The following KIRREL1 variants were observed in gnomAD, a reference collection of about 807,000 sequenced individuals.
KIRREL1 encodes the protein kin of IRRE-like protein 1.
In KIRREL1, 25 loss-of-function variants were observed where a neutral mutation model predicts 83.3. That is an observed-to-expected ratio of 0.30 (90% CI 0.22 to 0.42). The LOEUF (loss-of-function observed/expected upper bound fraction) is 0.42. Ranked by LOEUF, KIRREL1 falls within the 10% of genes least tolerant of loss-of-function variation. KIRREL1 has a pLI of 1.00. For synonymous variants in KIRREL1, 388 were observed against 410.4 expected (o/e 0.95, Z 0.66); for missense variants, 812 against 1,032.3 (o/e 0.79, Z 2.92).
chr1:157,996,347 A>G (rs546422167), intron 1 of KIRREL1, among the ~76,000 whole-genome samples: 2 of 152,184 alleles, frequency 1.3e-5, no homozygotes, highest in South Asian at 4.2e-4. Flanking sequence ...ATTTTCTGGG[A>G]GATTTTCTCG....
intron 4 of KIRREL1, among the ~76,000 whole-genome samples, 160 bp from the exon 5 acceptor site, chr1:158,086,436 A>G (rs1001954890): frequency 1.3e-5 from 2 of 151,792 alleles, no homozygotes; most frequent in Non-Finnish European, 2.9e-5. Flanking sequence ...ACACACACAC[A>G]CACACACACA....
intron 1 of KIRREL1, among the ~76,000 whole-genome samples, chr1:158,011,630 C>G (rs1048527433): frequency 4.6e-5 from 7 of 152,176 alleles, no homozygotes; most frequent in Admixed American, 4.6e-4. Flanking sequence ...GGGTGAAGCT[C>G]CTGGACACAG....
At chr1:158,054,966 C>T (rs140827115) in intron 1 of KIRREL1, among the ~76,000 whole-genome samples, 9 of 152,204 alleles carry the variant, frequency 5.9e-5, no homozygotes, top group East Asian at 5.8e-4. Flanking sequence ...TTATTGAGCA[C>T]GGCACCAAGC....
chr1:158,060,052 C>G (rs1159297450), intron 1 of KIRREL1, among the ~76,000 whole-genome samples: 1 of 152,188 alleles, frequency 6.6e-6, no homozygotes, highest in Non-Finnish European at 1.5e-5. Context: ...CCTTAATTCT[C>G]TCCTCCTACT....
chr1:158,075,401 G>A (rs1235694397), intron 1 of KIRREL1, among the ~76,000 whole-genome samples: 2 of 152,172 alleles, frequency 1.3e-5, no homozygotes, highest in African/African-American at 4.8e-5. Context: ...GTGTTCATGT[G>A]TACACACTTA....
chr1:158,084,527 C>T lies in KIRREL1; in HGVS notation c.458C>T (p.Thr153Ile). The T allele has an allele frequency of 1.3e-6, 2 of 1,551,802 alleles. No homozygotes were observed. The highest frequency in any genetic ancestry group is 1.7e-6 in the Non-Finnish European group (2 of 1,147,012). The change falls in exon 4 of 15, where the codon ACC (threonine) becomes ATC (isoleucine). Residue 153 changes from threonine to isoleucine, a missense_variant. Thr to Ile is a moderately conservative substitution (Grantham distance 89). Coordinates refer to ENST00000359209, the MANE Select transcript of KIRREL1 (RefSeq NM_018240.7). Reference protein sequence around the residue: ...CRAFNAKPAATIIWFRDGTQQ... With the variant: ...CRAFNAKPAAIIIWFRDGTQQ... Reference sequence around the variant, plus strand: ...GCCTTCAATGCGAAGCCTGCTGCCACCATCATCTGGTTCCGGGACGGGACG... The same window carrying T: ...GCCTTCAATGCGAAGCCTGCTGCCATCATCATCTGGTTCCGGGACGGGACG...
chr1:158,007,754 T>A (rs1385665202), intron 1 of KIRREL1, among the ~76,000 whole-genome samples: 2 of 151,852 alleles, frequency 1.3e-5, no homozygotes, highest in African/African-American at 4.8e-5. Context: ...GTAGGACAAC[T>A]ATGGCCCGGA....
intron 1 of KIRREL1, among the ~76,000 whole-genome samples, chr1:158,013,321 C>G (rs888233019): frequency 4.6e-5 from 7 of 152,132 alleles, no homozygotes; most frequent in African/African-American, 7.2e-5. Context: ...AAGAGAGTCA[C>G]CTGGGCAGTC....
At chr1:158,000,133 G>C (rs1659319444) in intron 1 of KIRREL1, among the ~76,000 whole-genome samples, 1 of 152,182 alleles carries the variant, frequency 6.6e-6, no homozygotes, top group East Asian at 1.9e-4. Context: ...ACTGCTGCAT[G>C]CAAGCGTGTG....
intron 3 of KIRREL1, among the ~76,000 whole-genome samples, chr1:158,083,237 A>G (rs1222204559): frequency 6.6e-6 from 1 of 152,236 alleles, no homozygotes; most frequent in Non-Finnish European, 1.5e-5. Context: ...CCATATAAAT[A>G]TTAGTGAGAC....
In KIRREL1 at chr1:158,098,288, A is replaced by T. The variant is rs1007940272; in HGVS notation, c.*3168A>T. The T allele has an allele frequency of 2.6e-5, 4 of 152,300 alleles. No individual in the cohort carries two copies. Among genetic ancestry groups the T allele is most frequent in the African/African-American group, 7.2e-5 (3 of 41,470 alleles). 9.4% of individuals were successfully genotyped at this position (152,300 alleles called of 1,614,324 possible). ...CAAAGGTGCCTTTTGCCAGGGCAGG[A>T]CATAGTATGCACATAGGGATATTGT... On this transcript the variant is annotated 3_prime_UTR_variant, in exon 15 of 15. Coordinates refer to ENST00000359209, the MANE Select transcript of KIRREL1 (RefSeq NM_018240.7).
At chr1:158,005,674 G>C (rs1258306227) in intron 1 of KIRREL1, among the ~76,000 whole-genome samples, 1 of 152,140 alleles carries the variant, frequency 6.6e-6, no homozygotes, top group Non-Finnish European at 1.5e-5. Context: ...TGGGTCATGA[G>C]CAAGTTGCAT....
intron 1 of KIRREL1, among the ~76,000 whole-genome samples, chr1:158,039,244 C>G (rs777590278): frequency 6.6e-6 from 1 of 152,130 alleles, no homozygotes; most frequent in Non-Finnish European, 1.5e-5. Flanking sequence ...GAATTGTCCA[C>G]GAAGAGGAGC....
At chr1:158,089,329 A>T in intron 8 of KIRREL1, 173 bp from the exon 9 acceptor site, 1 of 910,710 alleles carries the variant, frequency 1.1e-6, no homozygotes, top group South Asian at 1.7e-5. Context: ...TTACGTGCCA[A>T]CCTGTGTAGA....
intron 1 of KIRREL1, among the ~76,000 whole-genome samples, chr1:158,008,289 G>A (rs1031993839): frequency 6.6e-6 from 1 of 152,114 alleles, no homozygotes; most frequent in African/African-American, 2.4e-5. Context: ...CCCCTGGGCT[G>A]CCCAGCAGGC....
intron 1 of KIRREL1, among the ~76,000 whole-genome samples, chr1:158,016,261 G>C (rs2101645189): frequency 6.6e-6 from 1 of 151,838 alleles, no homozygotes; most frequent in East Asian, 1.9e-4. Flanking sequence ...CCGAGATCGT[G>C]CCACTGTACT....
At chr1:158,035,769 T>A (rs1165207181) in intron 1 of KIRREL1, among the ~76,000 whole-genome samples, 2 of 152,192 alleles carry the variant, frequency 1.3e-5, no homozygotes, top group Non-Finnish European at 1.5e-5. Context: ...CCCTGCTATG[T>A]GGAGACCATG....
At chr1:158,039,929 GGTTTTTT>G (rs769057647) in intron 1 of KIRREL1, among the ~76,000 whole-genome samples, 2 of 152,282 alleles carry the variant, frequency 1.3e-5, no homozygotes, top group East Asian at 1.9e-4. Context: ...TGATGTGTTT[GGTTTTTT>G]GTTTTTTGGC....
intron 1 of KIRREL1, among the ~76,000 whole-genome samples, chr1:158,010,451 ACAC>A (rs1659652344): frequency 2.7e-5 from 4 of 148,844 alleles, no homozygotes; most frequent in Non-Finnish European, 5.9e-5. Context: ...ACACACACAC[ACAC>A]ACACACTGTC....
Sources: gnomAD v4.1 joint callset for allele counts (sites outside exome capture counted in the v4.1 genomes callset) on GRCh38, gnomAD v4.1.1 for gene constraint, MANE v1.5 for transcripts, NCBI Gene and HGNC (gene_info 2026-07-23, HGNC 2026-07-21) for gene names.